The following LRP1B variants were observed in gnomAD, a reference collection of about 807,000 sequenced individuals.
LRP1B encodes the protein LDL receptor related protein 1B.
Under a neutral mutation model 556.6 loss-of-function variants are expected in LRP1B, and 217 were observed. That is an observed-to-expected ratio of 0.39 (90% CI 0.35 to 0.44). The LOEUF is 0.44. Among genes scored for constraint, LRP1B ranks in the 20% least tolerant of loss-of-function variants. The pLI, the probability that LRP1B is intolerant of heterozygous loss-of-function variation, is 1.00. For synonymous variants in LRP1B, 2,047 were observed against 1,865.8 expected (o/e 1.10, Z -2.50); for missense variants, 5,053 against 5,620.8 (o/e 0.90, Z 3.23).
intron 41 of LRP1B, among the ~76,000 whole-genome samples, chr2:140,653,989 T>C (rs111992371): frequency 0.16 from 20,714 of 125,732 alleles, 1,723 homozygotes; most frequent in Admixed American, 0.28. Context: ...CCTGCCACTA[T>C]ACTCCAGCCT....
chr2:140,960,186 A>G (rs1413483871), intron 18 of LRP1B, among the ~76,000 whole-genome samples: 2 of 151,684 alleles, frequency 1.3e-5, no homozygotes, highest in African/African-American at 2.4e-5. Context: ...TTTATTTTTC[A>G]TAAAAGGAAA....
chr2:140,525,504 C>T (rs11885892), intron 49 of LRP1B, among the ~76,000 whole-genome samples: 7,847 of 151,950 alleles, frequency 0.052, 696 homozygotes, highest in African/African-American at 0.18. Flanking sequence ...AACATTGTTT[C>T]TCTTCTTTTA....
intron 2 of LRP1B, among the ~76,000 whole-genome samples, chr2:141,690,276 A>G (rs963231206): frequency 2.0e-5 from 3 of 150,646 alleles, no homozygotes; most frequent in African/African-American, 7.3e-5. Context: ...TGGTATTCCA[A>G]TTAATTATGT....
intron 1 of LRP1B, among the ~76,000 whole-genome samples, chr2:142,039,962 C>T (rs1292498371): frequency 6.6e-6 from 1 of 151,266 alleles, no homozygotes; most frequent in Non-Finnish European, 1.5e-5. Context: ...AGTCATAAAC[C>T]CCAACTAATT....
chr2:142,055,712 T>C (rs1397128905), intron 1 of LRP1B, among the ~76,000 whole-genome samples: 1 of 152,154 alleles, frequency 6.6e-6, no homozygotes, highest in African/African-American at 2.4e-5. Context: ...CATCCACATG[T>C]CCTTGAAGCA....
At chr2:141,107,633 AG>A (rs1483348358) in intron 7 of LRP1B, among the ~76,000 whole-genome samples, 1 of 148,802 alleles carries the variant, frequency 6.7e-6, no homozygotes, top group African/African-American at 2.5e-5. Flanking sequence ...CAACAGAGCA[AG>A]ACTCCGTGTC....
intron 7 of LRP1B, among the ~76,000 whole-genome samples, chr2:141,096,629 G>GGAGAGGGAGAGAGAGAGAGAGA (rs1700318285): frequency 3.3e-5 from 2 of 59,744 alleles, no homozygotes; most frequent in African/African-American, 1.5e-4. Flanking sequence ...GGGGAGAGGG[G>GGAGAGGGAGAGAGAGAGAGAGA]GAGAGAGAGA....
At chr2:142,066,647 C>G (rs1244453003) in intron 1 of LRP1B, among the ~76,000 whole-genome samples, 1 of 151,498 alleles carries the variant, frequency 6.6e-6, no homozygotes, top group Non-Finnish European at 1.5e-5. Flanking sequence ...TGAGTTCTCA[C>G]TATCAGAGCC....
At chr2:140,761,379 C>A (rs1688916203) in intron 35 of LRP1B, among the ~76,000 whole-genome samples, 1 of 152,110 alleles carries the variant, frequency 6.6e-6, no homozygotes, top group Non-Finnish European at 1.5e-5. Flanking sequence ...CCCTCTTACC[C>A]CTACCACCTG....
intron 2 of LRP1B, among the ~76,000 whole-genome samples, chr2:141,517,371 C>T (rs1189546139): frequency 1.3e-5 from 2 of 151,466 alleles, no homozygotes; most frequent in East Asian, 3.9e-4. Flanking sequence ...CCAAGGCAAA[C>T]TCCTGGTTTA....
intron 1 of LRP1B, among the ~76,000 whole-genome samples, chr2:142,041,630 CAAAGGCT>C (rs1229812027): frequency 6.6e-6 from 1 of 151,344 alleles, no homozygotes; most frequent in Admixed American, 6.6e-5. Context: ...TGGCTATTGA[CAAAGGCT>C]AAACTCTATA....
intron 2 of LRP1B, among the ~76,000 whole-genome samples, chr2:141,645,918 T>C (rs1689546660): frequency 6.6e-6 from 1 of 152,146 alleles, no homozygotes; most frequent in South Asian, 2.1e-4. Flanking sequence ...AAAAAAGTAA[T>C]GAATTTCAGT....
At chr2:141,107,507 A>G (rs539904534) in intron 7 of LRP1B, among the ~76,000 whole-genome samples, 97 of 152,176 alleles carry the variant, frequency 6.4e-4, no homozygotes, top group African/African-American at 2.1e-3. Context: ...TTAGCTGGAC[A>G]TGGTGGTGTG....
At chr2:141,034,909 T>C (rs949992777) in intron 11 of LRP1B, among the ~76,000 whole-genome samples, 20 of 152,082 alleles carry the variant, frequency 1.3e-4, no homozygotes, top group African/African-American at 4.6e-4. Flanking sequence ...CATGCACATG[T>C]ATGTTTATTG....
intron 2 of LRP1B, among the ~76,000 whole-genome samples, chr2:141,733,033 G>A (rs895688575): frequency 3.3e-5 from 5 of 152,080 alleles, no homozygotes; most frequent in Non-Finnish European, 7.4e-5. Context: ...TGTGCCTAAT[G>A]TGAGGATCAA....
Position 141,025,235 on chromosome 2 carries a change from C to T in LRP1B, c.1790-5133G>A, listed in dbSNP as rs539912702. Among the ~76,000 whole-genome samples, 4 of 152,042 alleles carry T rather than the reference C, an allele frequency of 2.6e-5. 1 individual carries two copies. Among genetic ancestry groups the T allele is most frequent in the Admixed American group, 2.0e-4 (3 of 15,200 alleles). On this transcript the variant is annotated intron_variant, in intron 11 of 90. Coordinates refer to ENST00000389484, the MANE Select transcript of LRP1B (RefSeq NM_018557.3). ...CTGATTTACACAACCACACCTAAAGCAATAAATGCAGATAGATAGAGCAAA... is the reference window on the plus strand; with the variant it reads ...CTGATTTACACAACCACACCTAAAGTAATAAATGCAGATAGATAGAGCAAA...
intron 31 of LRP1B, among the ~76,000 whole-genome samples, chr2:140,820,273 C>A (rs1337211214): frequency 6.6e-6 from 1 of 152,208 alleles, no homozygotes; most frequent in Non-Finnish European, 1.5e-5. Context: ...AGCCACCACA[C>A]CTGGCCTACA....
At chr2:141,591,881 G>C (rs945550334) in intron 2 of LRP1B, among the ~76,000 whole-genome samples, 1 of 152,062 alleles carries the variant, frequency 6.6e-6, no homozygotes, top group African/African-American at 2.4e-5. Context: ...AGTACTGACA[G>C]GGAAAAAAGA....
At chr2:141,543,774 T>C (rs1685357341) in intron 2 of LRP1B, among the ~76,000 whole-genome samples, 2 of 151,874 alleles carry the variant, frequency 1.3e-5, no homozygotes, top group Admixed American at 1.3e-4. Flanking sequence ...CAAAAACTTA[T>C]TGAACATGGA....
Sources: gnomAD v4.1 joint callset for allele counts (sites outside exome capture counted in the v4.1 genomes callset) on GRCh38, gnomAD v4.1.1 for gene constraint, MANE v1.5 for transcripts, NCBI Gene and HGNC (gene_info 2026-07-23, HGNC 2026-07-21) for gene names.